PDE4D: variants seen among roughly 807,000 people sequenced by gnomAD.
The protein encoded by PDE4D is 3',5'-cyclic-AMP phosphodiesterase 4D.
A neutral mutation model predicts 87.4 loss-of-function variants in PDE4D; 24 were observed. That is an observed-to-expected ratio of 0.27 (90% CI 0.20 to 0.39). PDE4D has a LOEUF of 0.39. PDE4D is among the 10% of genes least tolerant of loss of function. The pLI is 1.00. For synonymous variants in PDE4D, 384 were observed against 383.2 expected (o/e 1.00, Z -0.02); for missense variants, 714 against 1,041.0 (o/e 0.69, Z 4.32).
intron 5 of PDE4D, among the ~76,000 whole-genome samples, chr5:59,113,817 G>T (rs1051376747): frequency 6.6e-6 from 1 of 152,234 alleles, no homozygotes; most frequent in East Asian, 1.9e-4. Flanking sequence ...GAACAATAAT[G>T]TATCCAATCT....
At chr5:59,602,740 A>C (rs1440547816) in intron 1 of PDE4D, among the ~76,000 whole-genome samples, 1 of 152,162 alleles carries the variant, frequency 6.6e-6, no homozygotes, top group African/African-American at 2.4e-5. Flanking sequence ...CTCAACCTTG[A>C]GCAAAAAGAA....
chr5:60,199,676 T>C (rs1741689091), intron 1 of PDE4D, among the ~76,000 whole-genome samples: 2 of 151,646 alleles, frequency 1.3e-5, no homozygotes, highest in Admixed American at 6.6e-5. Context: ...AGCATATAAA[T>C]GAAAAAGTAA....
intron 1 of PDE4D, among the ~76,000 whole-genome samples, chr5:59,711,389 C>T (rs1485106074): frequency 6.6e-6 from 1 of 151,846 alleles, no homozygotes; most frequent in African/African-American, 2.4e-5. Flanking sequence ...TGTAAATTAG[C>T]TAAAAAAATT....
intron 2 of PDE4D, among the ~76,000 whole-genome samples, chr5:60,063,793 T>A (rs1475811516): frequency 6.6e-6 from 1 of 152,082 alleles, no homozygotes; most frequent in African/African-American, 2.4e-5. Flanking sequence ...GCTGGCATAA[T>A]TTGGAACAAT....
chr5:60,510,513 T>TA (rs1008015764), intron 1 of PDE4D, among the ~76,000 whole-genome samples: 2 of 152,112 alleles, frequency 1.3e-5, no homozygotes, highest in Non-Finnish European at 2.9e-5. Context: ...AAGAAATGGC[T>TA]AAAAAAACAT....
At chr5:60,122,860 T>C (rs1193352580) in intron 2 of PDE4D, among the ~76,000 whole-genome samples, 1 of 152,222 alleles carries the variant, frequency 6.6e-6, no homozygotes, top group African/African-American at 2.4e-5. Flanking sequence ...GCTCTGCTTC[T>C]CTTATAAAAC....
At chr5:59,474,652 C>G (rs1421069455) in intron 1 of PDE4D, among the ~76,000 whole-genome samples, 2 of 151,998 alleles carry the variant, frequency 1.3e-5, no homozygotes, top group Non-Finnish European at 2.9e-5. Flanking sequence ...ATAAGTAGAG[C>G]CTCTTGCCAA....
At chr5:60,396,614 C>T (rs1353890668) in intron 1 of PDE4D, among the ~76,000 whole-genome samples, 1 of 152,110 alleles carries the variant, frequency 6.6e-6, no homozygotes, top group Non-Finnish European at 1.5e-5. Context: ...CTCCTGGGCT[C>T]AAGGGATCCT....
Position 60,269,229 on chromosome 5 carries a change from C to T in PDE4D, c.-89-83542G>A, listed in dbSNP as rs969748598. 2.0e-5 allele frequency among the ~76,000 whole-genome samples: 3 copies of T among 152,186 alleles called. 1 individual carries two copies. The highest frequency in any genetic ancestry group is 1.3e-4 in the Admixed American group (2 of 15,284). On this transcript the variant is annotated intron_variant, in intron 1 of 16. Coordinates refer to the PDE4D transcript ENST00000502484. ...GGCCGAGGTAGGAGAATCGCTTGAACCCGGGAGGCAGAGGTTGCAGTGAGC... is the reference window on the plus strand; with the variant it reads ...GGCCGAGGTAGGAGAATCGCTTGAATCCGGGAGGCAGAGGTTGCAGTGAGC...
At chr5:59,354,039 C>A (rs112540767) in intron 1 of PDE4D, among the ~76,000 whole-genome samples, 3,060 of 152,204 alleles carry the variant, frequency 0.02, 115 homozygotes, top group African/African-American at 0.07. Flanking sequence ...TACCAGGCAG[C>A]AAAAGCCATG....
At chr5:59,179,305 T>C (rs950487514) in intron 5 of PDE4D, among the ~76,000 whole-genome samples, 93 of 152,152 alleles carry the variant, frequency 6.1e-4, no homozygotes, top group African/African-American at 2.0e-3. Flanking sequence ...TTTCGCCATG[T>C]TGGCCAGGCT....
chr5:60,197,070 T>TAGACAGAC lies in PDE4D; in HGVS notation c.-89-11384_-89-11383insGTCTGTCT, dbSNP rs376124483. ...ATAGATAGATAGATAGATAGATAGA[T>TAGACAGAC]AGACAGTTAGATAGATAGATAGATA... On this transcript the variant is annotated intron_variant, in intron 1 of 16. Transcript: ENST00000502484. Among the ~76,000 whole-genome samples, 303 of 122,998 alleles carry TAGACAGAC rather than the reference T, an allele frequency of 2.5e-3. 5 individuals carry two copies. Among genetic ancestry groups the TAGACAGAC allele is most frequent in the African/African-American group, 7.6e-3 (247 of 32,582 alleles). The allele number at this position is 122,998 out of a possible 152,430, so 80.7% of individuals were successfully genotyped here.
chr5:59,959,165 T>C (rs954117107), intron 3 of PDE4D, among the ~76,000 whole-genome samples: 9 of 151,534 alleles, frequency 5.9e-5, no homozygotes, highest in African/African-American at 1.9e-4. Flanking sequence ...GTGAAAGATC[T>C]CTACAAGGAG....
chr5:59,782,913 G>A (rs1764773046), intron 1 of PDE4D, among the ~76,000 whole-genome samples: 1 of 151,900 alleles, frequency 6.6e-6, no homozygotes, highest in Non-Finnish European at 1.5e-5. Flanking sequence ...TTGCTCTGTG[G>A]GTTTATATTG....
chr5:60,240,420 T>C lies in PDE4D; in HGVS notation c.-89-54733A>G, dbSNP rs1343446887. Among the ~76,000 whole-genome samples, 4 of 152,122 alleles carry C rather than the reference T, an allele frequency of 2.6e-5. No individual in the cohort carries two copies. The East Asian group carries it at 7.7e-4, about 29-fold the overall frequency. Reference sequence around the variant, plus strand: ...TCCAAGGCTTGACTCTTGAATGGCATTTCTGGACCTGCCCTGAGCCAGAAG... The same window carrying C: ...TCCAAGGCTTGACTCTTGAATGGCACTTCTGGACCTGCCCTGAGCCAGAAG... On this transcript the variant is annotated intron_variant, in intron 1 of 16. Transcript: ENST00000502484.
intron 3 of PDE4D, among the ~76,000 whole-genome samples, chr5:59,979,389 T>C (rs1028197920): frequency 1.7e-4 from 26 of 150,066 alleles, no homozygotes; most frequent in South Asian, 4.2e-4. Context: ...CTAAAGTTTT[T>C]AATATCTATA....
intron 1 of PDE4D, among the ~76,000 whole-genome samples, chr5:60,502,299 G>T (rs1235145273): frequency 3.9e-5 from 6 of 152,194 alleles, no homozygotes; most frequent in Admixed American, 3.9e-4. Flanking sequence ...ATTTGTCAAA[G>T]ATCAGATAGT....
intron 1 of PDE4D, among the ~76,000 whole-genome samples, chr5:60,277,649 C>T (rs900673631): frequency 1.7e-4 from 26 of 152,068 alleles, no homozygotes; most frequent in African/African-American, 6.3e-4. Flanking sequence ...AGGTAACAAT[C>T]TGTTTTTTAA....
chr5:59,062,853 C>T (rs986876529), intron 5 of PDE4D, among the ~76,000 whole-genome samples: 1 of 152,054 alleles, frequency 6.6e-6, no homozygotes, highest in Admixed American at 6.6e-5. Context: ...ACCCCCACCC[C>T]CTATAACACT....
Sources: allele counts gnomAD v4.1 joint callset (sites outside exome capture counted in the v4.1 genomes callset), GRCh38; gene constraint gnomAD v4.1.1; transcripts MANE v1.5; gene names NCBI Gene and HGNC (gene_info 2026-07-23, HGNC 2026-07-21).